Variants in RIC1 observed in about 807,000 individuals in gnomAD.
RIC1 encodes the protein guanine nucleotide exchange factor subunit RIC1.
A neutral mutation model predicts 169.0 loss-of-function variants in RIC1; 88 were observed. The ratio of observed to expected loss-of-function variants is 0.52; its 90% CI spans 0.44 to 0.62. RIC1 has a LOEUF of 0.62. Ranked by LOEUF, RIC1 falls within the 20% of genes least tolerant of loss-of-function variation. The pLI, the probability that RIC1 is intolerant of heterozygous loss-of-function variation, is 0.00. For missense variants in RIC1, 1,877 were observed against 1,725.5 expected (o/e 1.09, Z -1.56); for synonymous variants, 790 against 601.5 (o/e 1.31, Z -4.59).
chr9:5,666,760 T>C (rs1468040234), intron 2 of RIC1, among the ~76,000 whole-genome samples: 1 of 151,992 alleles, frequency 6.6e-6, no homozygotes, highest in Non-Finnish European at 1.5e-5. Context: ...AAGTATTTGC[T>C]GAGGACTTTT....
At chr9:5,704,182 G>A (rs968259558) in intron 3 of RIC1, among the ~76,000 whole-genome samples, 18 of 151,274 alleles carry the variant, frequency 1.2e-4, no homozygotes, top group African/African-American at 3.4e-4. Context: ...ATCTTCTCTA[G>A]ATAAATATCT....
chr9:5,694,835 G>A (rs191825687), intron 3 of RIC1, among the ~76,000 whole-genome samples: 2 of 151,492 alleles, frequency 1.3e-5, no homozygotes, highest in African/African-American at 4.9e-5. Flanking sequence ...TGGTGAAAGG[G>A]TACTACGTCT....
At chr9:5,700,068 C>T (rs1309809980) in intron 3 of RIC1, among the ~76,000 whole-genome samples, 1 of 151,068 alleles carries the variant, frequency 6.6e-6, no homozygotes, top group Admixed American at 6.6e-5. Flanking sequence ...GTCATCGTTC[C>T]ATGGGCTGTC....
chr9:5,694,180 A>G (rs1008354756), intron 3 of RIC1, among the ~76,000 whole-genome samples: 6 of 152,182 alleles, frequency 3.9e-5, no homozygotes, highest in African/African-American at 1.2e-4. Flanking sequence ...TGCCCCTTCT[A>G]AAATCCAGCT....
chr9:5,643,140 A>G (rs1027623792), intron 1 of RIC1, among the ~76,000 whole-genome samples: 16 of 152,076 alleles, frequency 1.1e-4, no homozygotes, highest in Admixed American at 3.9e-4. Flanking sequence ...ATCTCTATAA[A>G]AAATAAAAAT....
intron 2 of RIC1, among the ~76,000 whole-genome samples, chr9:5,684,871 G>T (rs369102314): frequency 6.6e-6 from 1 of 152,070 alleles, no homozygotes; most frequent in African/African-American, 2.4e-5. Context: ...TTTTTAATCA[G>T]GAATGGATGT....
In RIC1 at chr9:5,776,203, A is replaced by G. The variant is rs1465326610; in HGVS notation, c.*1957A>G. 2 of 152,154 alleles carry G rather than the reference A, an allele frequency of 1.3e-5. No homozygotes were observed. Among genetic ancestry groups the G allele is most frequent in the Non-Finnish European group, 2.9e-5 (2 of 67,978 alleles). 9.4% of individuals were successfully genotyped at this position (152,154 alleles called of 1,614,324 possible). On this transcript the variant is annotated 3_prime_UTR_variant, in exon 26 of 26. Transcript: ENST00000414202. ...GAATGAATCATTTCTTTTATACAAT[A>G]TTCTTTTACAACTAATAGAGATAGG... is the stretch of plus-strand genomic sequence containing the variant.
At chr9:5,715,156 AG>A (rs1290064557) in intron 4 of RIC1, among the ~76,000 whole-genome samples, 5 of 152,214 alleles carry the variant, frequency 3.3e-5, no homozygotes. Flanking sequence ...CTTGGTCACA[AG>A]GTTATTCATC....
chr9:5,736,565 A>G (rs1242710336), intron 7 of RIC1, among the ~76,000 whole-genome samples: 2 of 152,224 alleles, frequency 1.3e-5, no homozygotes, highest in Admixed American at 6.5e-5. Context: ...CAAGGCAGCT[A>G]GAGTTCATAA....
chr9:5,733,088 G>A (rs985956973), intron 7 of RIC1, among the ~76,000 whole-genome samples: 5 of 151,720 alleles, frequency 3.3e-5, no homozygotes, highest in South Asian at 2.1e-4. Flanking sequence ...AAAATAAAAC[G>A]ATTATATTAG....
At chr9:5,743,102 T>G in intron 9 of RIC1, 89 bp downstream of exon 9, 1 of 1,259,576 alleles carries the variant, frequency 7.9e-7, no homozygotes, top group Non-Finnish European at 1.1e-6. Context: ...GAACTTCCCT[T>G]TTTGCCTTGA....
intron 21 of RIC1, among the ~76,000 whole-genome samples, chr9:5,767,635 T>C (rs1015063811): frequency 6.6e-6 from 1 of 152,258 alleles, no homozygotes; most frequent in African/African-American, 2.4e-5. Context: ...TTGCCCAGGC[T>C]GGAGTGCAAT....
intron 1 of RIC1, among the ~76,000 whole-genome samples, chr9:5,648,942 C>T (rs942010546): frequency 3.9e-5 from 6 of 152,172 alleles, no homozygotes; most frequent in South Asian, 4.1e-4. Context: ...TATTGTCTAC[C>T]ATTCAAAAGG....
intron 2 of RIC1, among the ~76,000 whole-genome samples, chr9:5,686,697 C>T (rs1158197595): frequency 6.6e-6 from 1 of 151,720 alleles, no homozygotes; most frequent in Non-Finnish European, 1.5e-5. Flanking sequence ...TTAGTGGGTG[C>T]AGCGCACCAG....
chr9:5,686,133 G>A (rs1821204752), intron 2 of RIC1, among the ~76,000 whole-genome samples: 1 of 151,206 alleles, frequency 6.6e-6, no homozygotes, highest in Non-Finnish European at 1.5e-5. Flanking sequence ...AACAACAGGT[G>A]CTGGAGAGGA....
chr9:5,738,439 T>G lies in RIC1; in HGVS notation c.813-11T>G. Reference sequence around the variant, plus strand: ...TTTTTCACTAAAAGTTTTTCGTTGTTGTTTTCACAGTGGTTCTGTGCAGGT... The same window carrying G: ...TTTTTCACTAAAAGTTTTTCGTTGTGGTTTTCACAGTGGTTCTGTGCAGGT... On this transcript the variant is annotated splice_polypyrimidine_tract_variant and intron_variant, in intron 7 of 25. Coordinates refer to ENST00000414202, the MANE Select transcript of RIC1 (RefSeq NM_020829.4). 1.3e-6 allele frequency: 2 copies of G among 1,574,476 alleles called. No homozygotes were observed. Among genetic ancestry groups the G allele is most frequent in the Non-Finnish European group, 1.7e-6 (2 of 1,158,598 alleles).
At chr9:5,742,337 G>T (rs891871173) in intron 8 of RIC1, among the ~76,000 whole-genome samples, 1 of 152,074 alleles carries the variant, frequency 6.6e-6, no homozygotes, top group Non-Finnish European at 1.5e-5. Context: ...CAAGCACTTT[G>T]TCTCAGTATT....
Position 5,775,226 on chromosome 9 carries a change from TGGA to T in RIC1, c.*981_*983del, listed in dbSNP as rs1827516472. 2 of 152,234 alleles carry T rather than the reference TGGA, an allele frequency of 1.3e-5. No individual in the cohort carries two copies. Among genetic ancestry groups the T allele is most frequent in the Admixed American group, 6.5e-5 (1 of 15,278 alleles). The allele number at this position is 152,234 out of a possible 1,614,324, so 9.4% of individuals were successfully genotyped here. A position where few individuals can be genotyped will look rare whatever the true frequency, so the allele number is the denominator to read the frequency against. ...ATTGCTTTTGTAAATTGAATAAAGA[TGGA>T]CTTCTATGTAAATAGACTGCTGAAT... On this transcript the variant is annotated 3_prime_UTR_variant, in exon 26 of 26. Coordinates refer to ENST00000414202, the MANE Select transcript of RIC1 (RefSeq NM_020829.4).
In RIC1 at chr9:5,773,953, C is replaced by T. The variant is rs1311862701; in HGVS notation, c.3984-5C>T. 2.5e-6 allele frequency: 4 copies of T among 1,578,232 alleles called. No individual in the cohort carries two copies. The highest frequency in any genetic ancestry group is 3.8e-5 in the Admixed American group (2 of 53,206). On this transcript the variant is annotated splice_region_variant and splice_polypyrimidine_tract_variant and intron_variant, in intron 25 of 25. Coordinates refer to ENST00000414202, the MANE Select transcript of RIC1 (RefSeq NM_020829.4). ...GATGAGCTAATGTTTTTTTTCTCTACATAGTCCTGGATATAAGCCATTTTT... is the reference window on the plus strand; with the variant it reads ...GATGAGCTAATGTTTTTTTTCTCTATATAGTCCTGGATATAAGCCATTTTT...
Sources: allele counts gnomAD v4.1 joint callset (sites outside exome capture counted in the v4.1 genomes callset), GRCh38; gene constraint gnomAD v4.1.1; transcripts MANE v1.5; gene names NCBI Gene and HGNC (gene_info 2026-07-23, HGNC 2026-07-21).